MPI: variants seen among roughly 807,000 people sequenced by gnomAD.
The protein encoded by MPI is mannose-6-phosphate isomerase.
Under a neutral mutation model 40.1 loss-of-function variants are expected in MPI, and 33 were observed. The observed-to-expected ratio is 0.82, with a 90% CI of 0.62 to 1.10. The LOEUF is 1.10. Among genes scored for constraint, MPI ranks in the 50% least tolerant of loss-of-function variants. MPI has a pLI of 0.00. For synonymous variants in MPI, 187 were observed against 207.4 expected (o/e 0.90, Z 0.85); for missense variants, 514 against 524.1 (o/e 0.98, Z 0.19).
chr15:74,897,336 G>A, intron 7 of MPI, 117 bp downstream of exon 7: 1 of 1,373,024 alleles, frequency 7.3e-7, no homozygotes, highest in Non-Finnish European at 1.0e-6. Flanking sequence ...GCGGAGGGTG[G>A]CCCCAGGGCC....
chr15:74,890,601 T>C lies in MPI; in HGVS notation c.91T>C (p.Leu31=), dbSNP rs765537697. 1.2e-6 allele frequency: 2 copies of C among 1,613,614 alleles called. No individual in the cohort carries two copies. Among genetic ancestry groups the C allele is most frequent in the Admixed American group, 1.7e-5 (1 of 60,030 alleles). ...MGSNSEVARL[L]ASSDPLAQIA... Reference sequence around the variant, plus strand: ...TTCCAACAGCGAAGTGGCGCGGCTGTTGGCCAGCAGTGATCCACTGGCCCA... The same window carrying C: ...TTCCAACAGCGAAGTGGCGCGGCTGCTGGCCAGCAGTGATCCACTGGCCCA... Residue 31 remains leucine (L), a synonymous_variant, in exon 2 of 8, where the codon TTG becomes CTG. Transcript: ENST00000352410.
At position 74,896,214 on chromosome 15, in the gene MPI, T is replaced by A; in HGVS notation, c.733T>A (p.Tyr245Asn). 1 of 1,614,160 alleles carries A rather than the reference T, an allele frequency of 6.2e-7. No homozygotes were observed. Among genetic ancestry groups the A allele is most frequent in the Non-Finnish European group, 8.5e-7 (1 of 1,180,024 alleles). ...GCTTTTGCTACAGCTGCACCAGCAG[T>A]ACCCAGGTGATATCGGCTGCTTTGC... ...GELLLQLHQQ[Y>N]PGDIGCFAIY... The change falls in exon 6 of 8, where the codon TAC becomes AAC. Residue 245 changes from tyrosine to asparagine, a missense_variant. By Grantham distance (143) the Tyr-to-Asn change is moderately radical (BLOSUM62 -2). Transcript: ENST00000352410.
At chr15:74,892,619 C>T in intron 3 of MPI, 42 bp from the exon 4 acceptor site, 4 of 1,612,364 alleles carry the variant, frequency 2.5e-6, no homozygotes, top group Non-Finnish European at 2.5e-6. Flanking sequence ...TAGGTAATGG[C>T]TGTACCCTCA....
Position 74,901,736 on chromosome 15 carries a change from A to G in MPI, c.*4006A>G, listed in dbSNP as rs2064967440. On this transcript the variant is annotated 3_prime_UTR_variant, in exon 8 of 8. Coordinates refer to ENST00000352410, the MANE Select transcript of MPI (RefSeq NM_002435.3). ...AAAAGTTTAAAAAGTAAACAATAGG[A>G]AGGCACCGGACTGCTCCCTGTAGCT... 1 of 188,866 alleles carries G rather than the reference A, an allele frequency of 5.3e-6. No individual in the cohort carries two copies. Among genetic ancestry groups the G allele is most frequent in the Non-Finnish European group, 1.1e-5 (1 of 92,958 alleles). 11.7% of individuals were successfully genotyped at this position (188,866 alleles called of 1,614,324 possible).
chr15:74,894,089 T>TTTTCTGAGCCAG (rs1567267185), intron 5 of MPI, among the ~76,000 whole-genome samples: 2 of 56,078 alleles, frequency 3.6e-5, no homozygotes, highest in African/African-American at 8.8e-5. Context: ...TGTGTGTGTG[T>TTTTCTGAGCCAG]GTGTGTGTGT....
In MPI at chr15:74,893,210, C is replaced by T. The variant is rs199568830; in HGVS notation, c.560C>T (p.Ser187Phe). Residue 187 changes from serine (S) to phenylalanine (F), a missense_variant, in exon 5 of 8, where the codon TCC (serine) becomes TTC (phenylalanine). Transcript: ENST00000352410. ...THLKQTMSHD[S>F]QAVASSLQSC... ...CTGAAGCAGACCATGAGCCATGACT[C>T]CCAGGCTGTGGCCTCCTCTCTGCAG... 6.2e-7 allele frequency: 1 copy of T among 1,614,212 alleles called. No individual in the cohort carries two copies. The highest frequency in any genetic ancestry group is 8.5e-7 in the Non-Finnish European group (1 of 1,180,042).
rs1225376562 is a variant in MPI, at chr15:74,891,403, G to C, written c.169G>C (p.Gly57Arg). ...GTTGTGGATGGGGACTCACCCCCGA[G>C]GGGATGCCAAGATCCTTGACAACCG... ...AELWMGTHPR[G>R]DAKILDNRIS... The change falls in exon 3 of 8, where the codon GGG becomes CGG. Residue 57 changes from glycine (G) to arginine (R), a missense_variant. Transcript: ENST00000352410. 6.2e-7 allele frequency: 1 copy of C among 1,614,174 alleles called. No homozygotes were observed. Among genetic ancestry groups the C allele is most frequent in the Admixed American group, 1.7e-5 (1 of 60,020 alleles).
chr15:74,893,305 C>G lies in MPI; in HGVS notation c.655C>G (p.Arg219Gly). ...VVEQLNLLVK[R>G]ISQQAAAGNN... ...GGAACAGCTCAACCTGTTGGTGAAG[C>G]GGATCTCCCAGCAAGGTGGACACAG... Residue 219 changes from arginine (R) to glycine (G), a missense_variant, in exon 5 of 8, where the codon CGG (arginine) becomes GGG (glycine). By Grantham distance (125) the Arg-to-Gly change is moderately radical (BLOSUM62 -2). Transcript: ENST00000352410. The G allele has an allele frequency of 6.2e-7, 1 of 1,614,194 alleles. No individual in the cohort carries two copies. Among genetic ancestry groups the G allele is most frequent in the Non-Finnish European group, 8.5e-7 (1 of 1,180,030 alleles).
Position 74,890,080 on chromosome 15 carries a change from G to A in MPI, c.7G>A (p.Ala3Thr), listed in dbSNP as rs770421382. Residue 3 changes from alanine (A) to threonine (T), a missense_variant, in exon 1 of 8, where the codon GCT becomes ACT. Ala to Thr is a moderately conservative substitution (Grantham distance 58). Coordinates refer to ENST00000352410, the MANE Select transcript of MPI (RefSeq NM_002435.3). MA[A>T]PRVFPLSCAV... ...CCTGGTGCAGGGGGCGAGCATGGCCGCTCCGCGAGGTGAGCCATTGGCTGG... is the reference window on the plus strand; with the variant it reads ...CCTGGTGCAGGGGGCGAGCATGGCCACTCCGCGAGGTGAGCCATTGGCTGG... 18 of 1,607,770 alleles carry A rather than the reference G, an allele frequency of 1.1e-5. No individual in the cohort carries two copies. The Admixed American group carries it at 2.8e-4, about 25-fold the overall frequency.
Position 74,902,074 on chromosome 15 carries a change from A to G in MPI, c.*4344A>G. ...TTAGACAGGTGCAACCTGAAGAGGG[A>G]CAAAAGGACTCACTTTATGCTGTCT... is the stretch of plus-strand genomic sequence containing the variant. On this transcript the variant is annotated 3_prime_UTR_variant, in exon 8 of 8. Coordinates refer to ENST00000352410, the MANE Select transcript of MPI (RefSeq NM_002435.3). The G allele has an allele frequency of 2.5e-6, 1 of 398,642 alleles. No homozygotes were observed. Among genetic ancestry groups the G allele is most frequent in the Non-Finnish European group, 4.4e-6 (1 of 226,060 alleles). 24.7% of individuals were successfully genotyped at this position (398,642 alleles called of 1,614,324 possible).
chr15:74,890,643 C>G lies in MPI; in HGVS notation c.133C>G (p.Pro45Ala). The change falls in exon 2 of 8, where the codon CCT becomes GCT. Residue 45 changes from proline to alanine, a missense_variant. Coordinates refer to ENST00000352410, the MANE Select transcript of MPI (RefSeq NM_002435.3). ...ACTGGCCCAGATCGCAGAGGACAAG[C>G]CTTATGCAGAGGTGAGCCCCGGGCT... ...DPLAQIAEDKPYAELWMGTHP... is the reference protein window; with the variant it reads ...DPLAQIAEDKAYAELWMGTHP... 6.2e-7 allele frequency: 1 copy of G among 1,613,902 alleles called. No homozygotes were observed. The highest frequency in any genetic ancestry group is 8.5e-7 in the Non-Finnish European group (1 of 1,180,038).
intron 2 of MPI, 41 bp from the exon 3 acceptor site, chr15:74,891,338 G>A (rs908195031): frequency 6.2e-7 from 1 of 1,601,900 alleles, no homozygotes; most frequent in Admixed American, 1.7e-5. Context: ...AGGGTGGCAG[G>A]TTTCTTCCCC....
chr15:74,897,504 C>T lies in MPI; in HGVS notation c.1054-8C>T. The T allele has an allele frequency of 3.1e-6, 5 of 1,613,588 alleles. No individual in the cohort carries two copies. The highest frequency in any genetic ancestry group is 4.2e-6 in the Non-Finnish European group (5 of 1,179,594). On this transcript the variant is annotated splice_polypyrimidine_tract_variant and splice_region_variant and intron_variant, in intron 7 of 7. Coordinates refer to ENST00000352410, the MANE Select transcript of MPI (RefSeq NM_002435.3). The stretch of plus-strand genomic sequence containing the variant: ...AGCTGCACTGCCTTATCATTTCTTC[C>T]TGCCCAGGTCCCTGGCTCTGTCACT...
chr15:74,890,754 G>A (rs780316428), intron 2 of MPI, 100 bp downstream of exon 2: 28 of 1,555,554 alleles, frequency 1.8e-5, no homozygotes, highest in African/African-American at 1.2e-4. Flanking sequence ...AGGCAGCAAG[G>A]AGGGAGGAGA....
chr15:74,896,239 C>A lies in MPI; in HGVS notation c.758C>A (p.Ala253Asp), dbSNP rs771100056. ...QQYPGDIGCF[A>D]IYFLNLLTLK... ...TACCCAGGTGATATCGGCTGCTTTG[C>A]CATCTACTTCCTGAACCTGCTTACC... The change falls in exon 6 of 8, where the codon GCC (alanine) becomes GAC (aspartate). Residue 253 changes from alanine (A) to aspartate (D), a missense_variant. Physicochemically the swap from Ala to Asp is moderately radical, Grantham distance 126. Coordinates refer to ENST00000352410, the MANE Select transcript of MPI (RefSeq NM_002435.3). 2 of 1,614,152 alleles carry A rather than the reference C, an allele frequency of 1.2e-6. No homozygotes were observed. Among genetic ancestry groups the A allele is most frequent in the South Asian group, 2.2e-5 (2 of 91,082 alleles).
intron 1 of MPI, 60 bp downstream of exon 1, chr15:74,890,149 C>T: frequency 6.2e-7 from 1 of 1,601,104 alleles, no homozygotes; most frequent in Non-Finnish European, 8.5e-7. Flanking sequence ...GGGGACGACT[C>T]CCGGCATTAT....
chr15:74,896,178 A>C lies in MPI; in HGVS notation c.697A>C (p.Ile233Leu), dbSNP rs776129095. 3 of 1,614,142 alleles carry C rather than the reference A, an allele frequency of 1.9e-6. No homozygotes were observed. In the South Asian group the frequency reaches 3.3e-5, roughly 18 times the overall value. ...QAAAGNNMEDIFGELLLQLHQ... is the reference protein window; with the variant it reads ...QAAAGNNMEDLFGELLLQLHQ... ...GGCTGCCGGAAACAACATGGAGGAC[A>C]TCTTTGGGGAGCTTTTGCTACAGCT... is the stretch of plus-strand genomic sequence containing the variant. The change falls in exon 6 of 8, where the codon ATC (isoleucine) becomes CTC (leucine). Residue 233 changes from isoleucine (I) to leucine (L), a missense_variant. By Grantham distance (5) the Ile-to-Leu change is conservative. Transcript: ENST00000352410.
In MPI at chr15:74,898,375, C is replaced by T. The variant is rs572840068; in HGVS notation, c.*645C>T. 13 of 169,920 alleles carry T rather than the reference C, an allele frequency of 7.7e-5. No individual in the cohort carries two copies. The South Asian group carries it at 9.6e-4, about 13-fold the overall frequency. The allele number at this position is 169,920 out of a possible 1,614,324, so 10.5% of individuals were successfully genotyped here. The stretch of plus-strand genomic sequence containing the variant: ...GTGAGCAGGCTACACTCCAGAACAC[C>T]GGTATGGGAAGGAGTGGGAGAGGAA... On this transcript the variant is annotated 3_prime_UTR_variant, in exon 8 of 8. Transcript: ENST00000352410.
At position 74,895,058 on chromosome 15, in the gene MPI, C is replaced by T. The variant is rs182399818; in HGVS notation, c.671-1094C>T. ...CTCGATCACTGCAACCTCCGCCTCCCGGGTTCAAGCGATTCTCCTGTCTCA... is the reference window on the plus strand; with the variant it reads ...CTCGATCACTGCAACCTCCGCCTCCTGGGTTCAAGCGATTCTCCTGTCTCA... On this transcript the variant is annotated intron_variant, in intron 5 of 7. Coordinates refer to ENST00000352410, the MANE Select transcript of MPI (RefSeq NM_002435.3). 6.1e-4 allele frequency among the ~76,000 whole-genome samples: 92 copies of T among 150,252 alleles called. No individual in the cohort carries two copies. The East Asian group carries it at 6.7e-3, about 11-fold the overall frequency.
Sources: allele counts gnomAD v4.1 joint callset (sites outside exome capture counted in the v4.1 genomes callset), GRCh38; gene constraint gnomAD v4.1.1; transcripts MANE v1.5; gene names NCBI Gene and HGNC (gene_info 2026-07-23, HGNC 2026-07-21).